The following ADD1 variants were observed in gnomAD, a reference collection of about 807,000 sequenced individuals.
ADD1 encodes adducin 1, also known as alpha-adducin.
Under a neutral mutation model 80.5 loss-of-function variants are expected in ADD1, and 24 were observed. That is an observed-to-expected ratio of 0.30 (90% CI 0.22 to 0.42). ADD1 has a LOEUF of 0.42. Among genes scored for constraint, ADD1 ranks in the 10% least tolerant of loss-of-function variants. The probability of loss-of-function intolerance (pLI) is 1.00; values close to 1 mark genes in which losing one functional copy is unlikely to be tolerated. For synonymous variants in ADD1, 373 were observed against 393.8 expected (o/e 0.95, Z 0.63); for missense variants, 948 against 1,019.0 (o/e 0.93, Z 0.95).
intron 1 of ADD1, among the ~76,000 whole-genome samples, chr4:2,872,671 C>T (rs1024732435): frequency 1.3e-5 from 2 of 152,220 alleles, no homozygotes; most frequent in African/African-American, 4.8e-5. Context: ...ATCCTCTCTC[C>T]TCGGACTCCT....
intron 13 of ADD1, among the ~76,000 whole-genome samples, chr4:2,912,682 A>G (rs1738277826): frequency 6.6e-6 from 1 of 152,138 alleles, no homozygotes; most frequent in Non-Finnish European, 1.5e-5. Context: ...GCATGCCACC[A>G]TGCTTGGCTA....
rs11935492 is a variant in ADD1, at chr4:2,883,445, G to A, written c.359-1070G>A. On this transcript the variant is annotated intron_variant, in intron 3 of 15. Coordinates refer to ENST00000683351, the MANE Select transcript of ADD1 (RefSeq NM_001354761.2). Reference sequence around the variant, plus strand: ...GAATGGATGTTGAACTTTGTGAAATGCTTCTTTTCTTTCTGTTAAAATGAT... The same window carrying A: ...GAATGGATGTTGAACTTTGTGAAATACTTCTTTTCTTTCTGTTAAAATGAT... Among the ~76,000 whole-genome samples, 334 of 151,994 alleles carry A rather than the reference G, an allele frequency of 2.2e-3. 1 individual carries two copies. Among genetic ancestry groups the A allele is most frequent in the Middle Eastern group, 0.01 (3 of 294 alleles).
chr4:2,890,243 A>G (rs1362929722), intron 4 of ADD1, among the ~76,000 whole-genome samples: 1 of 152,192 alleles, frequency 6.6e-6, no homozygotes. Flanking sequence ...TGTCAGTAAG[A>G]AAAAGACAAA....
chr4:2,908,461 A>T, intron 11 of ADD1, 54 bp from the exon 12 acceptor site: 1 of 1,519,854 alleles, frequency 6.6e-7, no homozygotes, highest in Non-Finnish European at 9.1e-7. Context: ...CAGGGCTCCC[A>T]GGCAGCATGG....
chr4:2,929,237 G>A lies in ADD1; in HGVS notation c.*714G>A, dbSNP rs779164926. On this transcript the variant is annotated 3_prime_UTR_variant, in exon 16 of 16. Transcript: ENST00000683351. ...GGAAGGTATATCAGGAGGGGAAGAG[G>A]CCTTTCTAGAATTTTCTTTGAGCAG... The A allele has an allele frequency of 1.3e-5, 2 of 152,206 alleles. No homozygotes were observed. Among genetic ancestry groups the A allele is most frequent in the African/African-American group, 4.8e-5 (2 of 41,444 alleles). The allele number at this position is 152,206 out of a possible 1,614,324, so 9.4% of individuals were successfully genotyped here.
At chr4:2,902,103 G>A (rs1463709173) in intron 9 of ADD1, 1 of 152,088 alleles carries the variant, frequency 6.6e-6, no homozygotes, top group African/African-American at 2.4e-5. Context: ...TGAGGTCTGA[G>A]TATTACTTCT....
chr4:2,899,824 T>G lies in ADD1; in HGVS notation c.1161+389T>G, dbSNP rs192631267. 1.1e-3 allele frequency: 357 copies of G among 337,876 alleles called. 2 individuals are homozygous for G. The highest frequency in any genetic ancestry group is 7.1e-3 in the African/African-American group (329 of 46,198). 20.9% of individuals were successfully genotyped at this position (337,876 alleles called of 1,614,324 possible). A position where few individuals can be genotyped will look rare whatever the true frequency, so the allele number is the denominator to read the frequency against. ...TTGTCTTAACAGCAAATCCTGGCTG[T>G]CTGGGGCCTGATGACTGTGTTCCAT... On this transcript the variant is annotated intron_variant, in intron 9 of 15. Transcript: ENST00000683351.
At chr4:2,893,063 C>A (rs1219530780) in intron 4 of ADD1, among the ~76,000 whole-genome samples, 1 of 151,890 alleles carries the variant, frequency 6.6e-6, no homozygotes, top group African/African-American at 2.4e-5. Context: ...ACTACAGGTG[C>A]CTGCCACCAC....
chr4:2,879,972 C>T (rs1731975501), intron 2 of ADD1, among the ~76,000 whole-genome samples: 2 of 152,316 alleles, frequency 1.3e-5, no homozygotes, highest in South Asian at 4.1e-4. Context: ...CCCTTGGCCT[C>T]CCAAAGTGCT....
At position 2,855,319 on chromosome 4, in the gene ADD1, A is replaced by G. The variant is rs186458399; in HGVS notation, c.-21+11295A>G. On this transcript the variant is annotated intron_variant, in intron 1 of 15. Transcript: ENST00000683351. ...TGGCATAATTTAGTACATTTATGTT[A>G]TGATTCAGATAAATTTGTACTTTCT... Among the ~76,000 whole-genome samples, 47 of 152,208 alleles carry G rather than the reference A, an allele frequency of 3.1e-4. 1 individual carries two copies. Among genetic ancestry groups the G allele is most frequent in the African/African-American group, 9.9e-4 (41 of 41,536 alleles).
At chr4:2,851,130 C>G (rs888095715) in intron 1 of ADD1, among the ~76,000 whole-genome samples, 4 of 152,086 alleles carry the variant, frequency 2.6e-5, no homozygotes, top group African/African-American at 9.7e-5. Context: ...TGACTGTAAC[C>G]TGGAACTCCT....
intron 4 of ADD1, among the ~76,000 whole-genome samples, chr4:2,886,971 A>G (rs1415271741): frequency 6.6e-6 from 1 of 152,236 alleles, no homozygotes; most frequent in Non-Finnish European, 1.5e-5. Flanking sequence ...CAGGTTTTAA[A>G]GTGCTGTTTG....
intron 6 of ADD1, among the ~76,000 whole-genome samples, chr4:2,896,411 G>T (rs1735235126): frequency 6.6e-6 from 1 of 151,926 alleles, no homozygotes; most frequent in Admixed American, 6.6e-5. Flanking sequence ...GTTTCATCAT[G>T]TTGGCCTGGC....
chr4:2,905,199 AC>A, intron 10 of ADD1, 91 bp downstream of exon 10: 1 of 1,260,234 alleles, frequency 7.9e-7, no homozygotes, highest in Non-Finnish European at 1.1e-6. Context: ...AGCCTTTCTG[AC>A]CCAGGTGTAA....
At chr4:2,923,060 T>C (rs1740339405) in intron 14 of ADD1, among the ~76,000 whole-genome samples, 1 of 152,248 alleles carries the variant, frequency 6.6e-6, no homozygotes, top group Non-Finnish European at 1.5e-5. Flanking sequence ...CCAGTGGATC[T>C]TAGCTTGCTG....
chr4:2,852,230 C>CTTTCTTT lies in ADD1; in HGVS notation c.-21+8206_-21+8207insTTTCTTT, dbSNP rs1553815333. ...TTCCTTTCCTTTCTTTCCTTTCTTT[C>CTTTCTTT]CTTTCTTTCTTTCTTTCTCTTTCTT... On this transcript the variant is annotated intron_variant, in intron 1 of 15. Coordinates refer to ENST00000683351, the MANE Select transcript of ADD1 (RefSeq NM_001354761.2). 4.2e-5 allele frequency among the ~76,000 whole-genome samples: 5 copies of CTTTCTTT among 120,344 alleles called. No homozygotes were observed. The East Asian group carries it at 8.4e-4, about 20-fold the overall frequency. The allele number at this position is 120,344 out of a possible 152,430, so 79.0% of individuals were successfully genotyped here.
rs540066706 is a variant in ADD1 at position 2,908,752 on chromosome 4, G to A, written c.1698+148G>A. The stretch of plus-strand genomic sequence containing the variant: ...TGTTAAAACCTTCATGATGAGAAAC[G>A]GTTCAGGCACTTTTCGTTGAGTTCT... On this transcript the variant is annotated intron_variant, in intron 12 of 15. Coordinates refer to ENST00000683351, the MANE Select transcript of ADD1 (RefSeq NM_001354761.2). 195 of 696,208 alleles carry A rather than the reference G, an allele frequency of 2.8e-4. 2 individuals carry two copies. Among genetic ancestry groups the A allele is most frequent in the African/African-American group, 2.7e-3 (151 of 55,822 alleles). 43.1% of individuals were successfully genotyped at this position (696,208 alleles called of 1,614,324 possible).
At position 2,875,887 on chromosome 4, in the gene ADD1, A is replaced by T; in HGVS notation, c.-20-9A>T. 6.5e-7 allele frequency: 1 copy of T among 1,542,902 alleles called. No individual in the cohort carries two copies. The highest frequency in any genetic ancestry group is 8.7e-7 in the Non-Finnish European group (1 of 1,146,446). Reference sequence around the variant, plus strand: ...GAAAACAATAATTTCTTTTATTTTGATTCTGTAGGAACCTAGAAAGATTGT... The same window carrying T: ...GAAAACAATAATTTCTTTTATTTTGTTTCTGTAGGAACCTAGAAAGATTGT... On this transcript the variant is annotated splice_polypyrimidine_tract_variant and intron_variant, in intron 1 of 15. Transcript: ENST00000683351.
At chr4:2,904,506 A>G (rs984553548) in intron 9 of ADD1, among the ~76,000 whole-genome samples, 1 of 152,204 alleles carries the variant, frequency 6.6e-6, no homozygotes, top group Non-Finnish European at 1.5e-5. Context: ...ACACTAGACT[A>G]TCCATCTCCT....
Sources: allele counts gnomAD v4.1 joint callset (sites outside exome capture counted in the v4.1 genomes callset), GRCh38; gene constraint gnomAD v4.1.1; transcripts MANE v1.5; gene names NCBI Gene and HGNC (gene_info 2026-07-23, HGNC 2026-07-21).